Variants in PJA2 observed in about 807,000 individuals in gnomAD.
PJA2 encodes the protein E3 ubiquitin-protein ligase Praja-2.
In PJA2, 25 loss-of-function variants were observed where a neutral mutation model predicts 69.3. The observed-to-expected ratio is 0.36, with a 90% CI of 0.26 to 0.50. PJA2 has a LOEUF of 0.50. Ranked by LOEUF, PJA2 falls within the 20% of genes least tolerant of loss-of-function variation. The pLI is 0.96. For missense variants in PJA2, 809 were observed against 830.2 expected (o/e 0.97, Z 0.31); for synonymous variants, 308 against 277.8 (o/e 1.11, Z -1.08).
intron 6 of PJA2, 57 bp from the exon 7 acceptor site, chr5:109,356,083 T>G: frequency 8.8e-7 from 1 of 1,130,182 alleles, no homozygotes; most frequent in Non-Finnish European, 1.3e-6. Context: ...GGAAATCTTA[T>G]GCTGAGGACA....
chr5:109,356,858 A>C (rs1762420367), intron 6 of PJA2, among the ~76,000 whole-genome samples: 1 of 152,066 alleles, frequency 6.6e-6, no homozygotes, highest in Admixed American at 6.6e-5. Flanking sequence ...TTTTCTCTAA[A>C]AAACCATTAA....
rs549012830 is a variant in PJA2, at chr5:109,367,017, C to T, written c.1469+1544G>A. On this transcript the variant is annotated intron_variant, in intron 5 of 9. Transcript: ENST00000361189. ...CATGGTGGTGGGTACCTGTACTCCC[C>T]GCTACTCAGGAGGCTGAGGCAGGAG... Among the ~76,000 whole-genome samples the T allele has an allele frequency of 1.1e-3, 173 of 151,408 alleles. 1 individual carries two copies. Among genetic ancestry groups the T allele is most frequent in the African/African-American group, 4.0e-3 (164 of 41,264 alleles).
At position 109,342,921 on chromosome 5, in the gene PJA2, G is replaced by A. The variant is rs1365695016; in HGVS notation, c.2001+1269C>T. Among the ~76,000 whole-genome samples, 12 of 71,006 alleles carry A rather than the reference G, an allele frequency of 1.7e-4. No homozygotes were observed. The East Asian group carries it at 2.5e-3, about 15-fold the overall frequency. The allele number at this position is 71,006 out of a possible 152,430, so 46.6% of individuals were successfully genotyped here. On this transcript the variant is annotated intron_variant, in intron 9 of 9. Transcript: ENST00000361189. ...CCCTGCCCGGCCAGCCGCCCCGTCCGGGAGGTGAGGGGCGCCTCTGCCCGG... is the reference window on the plus strand; with the variant it reads ...CCCTGCCCGGCCAGCCGCCCCGTCCAGGAGGTGAGGGGCGCCTCTGCCCGG...
At chr5:109,409,640 G>A (rs1203013964) in intron 1 of PJA2, among the ~76,000 whole-genome samples, 2 of 151,962 alleles carry the variant, frequency 1.3e-5, no homozygotes, top group African/African-American at 4.8e-5. Context: ...GGCTGGACAG[G>A]GCCCAGGAGG....
At chr5:109,354,438 TGTC>T (rs1169892077) in intron 7 of PJA2, among the ~76,000 whole-genome samples, 1 of 139,114 alleles carries the variant, frequency 7.2e-6, no homozygotes, top group Non-Finnish European at 1.5e-5. Flanking sequence ...TATCTAGAGA[TGTC>T]TATAGATTAG....
intron 5 of PJA2, among the ~76,000 whole-genome samples, chr5:109,364,974 A>G (rs1009680370): frequency 2.0e-5 from 3 of 152,236 alleles, no homozygotes; most frequent in Admixed American, 1.3e-4. Flanking sequence ...TTCTGATAAT[A>G]CCCTGTGTGT....
chr5:109,388,911 C>A (rs939815616), intron 1 of PJA2, among the ~76,000 whole-genome samples: 9 of 152,100 alleles, frequency 5.9e-5, no homozygotes, highest in African/African-American at 9.7e-5. Context: ...ATAATTTACA[C>A]CTATTATCAC....
intron 5 of PJA2, among the ~76,000 whole-genome samples, chr5:109,363,690 T>G (rs1335124785): frequency 7.1e-6 from 1 of 141,672 alleles, no homozygotes; most frequent in Non-Finnish European, 1.6e-5. Flanking sequence ...ATAACTCTGC[T>G]TATTTAAACT....
At chr5:109,337,824 A>T (rs893565130) in intron 9 of PJA2, among the ~76,000 whole-genome samples, 2 of 152,012 alleles carry the variant, frequency 1.3e-5, no homozygotes, top group South Asian at 2.1e-4. Context: ...TGAATTAAAG[A>T]AGGTCTACGA....
chr5:109,350,650 A>G (rs1164351192), intron 7 of PJA2, among the ~76,000 whole-genome samples: 1 of 152,194 alleles, frequency 6.6e-6, no homozygotes, highest in East Asian at 1.9e-4. Flanking sequence ...ACAATAACCC[A>G]TCAGGTAGAT....
rs144890394 is a variant in PJA2 at position 109,362,748 on chromosome 5, A to G, written c.1652+92T>C. 23 of 1,266,532 alleles carry G rather than the reference A, an allele frequency of 1.8e-5. No individual in the cohort carries two copies. The East Asian group carries it at 4.9e-4, about 27-fold the overall frequency. 78.5% of individuals were successfully genotyped at this position (1,266,532 alleles called of 1,614,324 possible). On this transcript the variant is annotated intron_variant, in intron 6 of 9. Transcript: ENST00000361189. Reference sequence around the variant, plus strand: ...AGGACTAACAGATGGGAAAATTATAATATTTCTCAGCTAGCAGAGATTTAA... The same window carrying G: ...AGGACTAACAGATGGGAAAATTATAGTATTTCTCAGCTAGCAGAGATTTAA...
chr5:109,363,985 C>G (rs781283499), intron 5 of PJA2, among the ~76,000 whole-genome samples: 15 of 152,054 alleles, frequency 9.9e-5, no homozygotes, highest in African/African-American at 1.7e-4. Flanking sequence ...AACGCTGTCT[C>G]TACTAAAACT....
chr5:109,409,519 G>A (rs1345900741), intron 1 of PJA2, among the ~76,000 whole-genome samples: 1 of 152,150 alleles, frequency 6.6e-6, no homozygotes, highest in East Asian at 1.9e-4. Flanking sequence ...ACCAAGGACA[G>A]CAGAAGAGGC....
rs377354755 is a variant in PJA2 at position 109,351,753 on chromosome 5, A to G, written c.1764+4162T>C. Among the ~76,000 whole-genome samples, 4 of 152,278 alleles carry G rather than the reference A, an allele frequency of 2.6e-5. No homozygotes were observed. In the South Asian group the frequency reaches 8.3e-4, roughly 32 times the overall value. On this transcript the variant is annotated intron_variant, in intron 7 of 9. Coordinates refer to ENST00000361189, the MANE Select transcript of PJA2 (RefSeq NM_014819.5). ...CAATGACCAATCTAGTATTGGGAAA[A>G]TAACAGAAATGAAAGCAACTACTTC...
At chr5:109,398,813 T>C (rs1747475495) in intron 1 of PJA2, among the ~76,000 whole-genome samples, 2 of 152,116 alleles carry the variant, frequency 1.3e-5, no homozygotes, top group Admixed American at 6.5e-5. Flanking sequence ...CCTTTACTCC[T>C]AGAGCAGAGT....
At chr5:109,341,340 T>G (rs1762053099) in intron 9 of PJA2, among the ~76,000 whole-genome samples, 1 of 148,110 alleles carries the variant, frequency 6.8e-6, no homozygotes, top group African/African-American at 2.5e-5. Flanking sequence ...AGACCCCGTC[T>G]GGGAGGTGAG....
chr5:109,337,389 A>G (rs777925150), intron 9 of PJA2, 33 bp from the exon 10 acceptor site: 1 of 1,555,156 alleles, frequency 6.4e-7, no homozygotes, highest in Non-Finnish European at 8.7e-7. Context: ...GAGCCACCAG[A>G]ATCATCTTAA....
In PJA2 at chr5:109,344,717, C is replaced by T; in HGVS notation, c.1867G>A (p.Glu623Lys). 2 of 1,612,676 alleles carry T rather than the reference C, an allele frequency of 1.2e-6. No homozygotes were observed. Among genetic ancestry groups the T allele is most frequent in the Non-Finnish European group, 1.7e-6 (2 of 1,179,114 alleles). Residue 623 changes from glutamate to lysine, a missense_variant, in exon 8 of 10, where the codon GAA becomes AAA. Coordinates refer to ENST00000361189, the MANE Select transcript of PJA2 (RefSeq NM_014819.5). ...IDGLPETLVLEDHTAIGQEQC... is the reference protein window; with the variant it reads ...IDGLPETLVLKDHTAIGQEQC... ...ACTTTGCCCTTACCAGTGTGATCTT[C>T]AAGAACAAGGGTCTCTGGAAGACCA...
chr5:109,369,654 T>C (rs1189678169), intron 4 of PJA2, among the ~76,000 whole-genome samples: 1 of 152,214 alleles, frequency 6.6e-6, no homozygotes, highest in Non-Finnish European at 1.5e-5. Flanking sequence ...CCCAAAGAAC[T>C]TTTCAAGAAG....
Sources: gnomAD v4.1 joint callset for allele counts (sites outside exome capture counted in the v4.1 genomes callset) on GRCh38, gnomAD v4.1.1 for gene constraint, MANE v1.5 for transcripts, NCBI Gene and HGNC (gene_info 2026-07-23, HGNC 2026-07-21) for gene names.